MEAF6: variants seen among roughly 807,000 people sequenced by gnomAD.
The protein encoded by MEAF6 is chromatin modification-related protein MEAF6.
A neutral mutation model predicts 28.9 loss-of-function variants in MEAF6; 15 were observed. That is an observed-to-expected ratio of 0.52 (90% CI 0.35 to 0.80). MEAF6 has a LOEUF of 0.80. MEAF6 is among the 30% of genes least tolerant of loss of function. The pLI is 0.01. For synonymous variants in MEAF6, 97 were observed against 88.7 expected, an observed-to-expected ratio of 1.09 and a Z score of -0.53; for missense variants, 178 against 237.5, an observed-to-expected ratio of 0.75 and a Z score of 1.65.
chr1:37,501,429 T>A (rs1642299522), intron 5 of MEAF6: 1 of 165,848 alleles, frequency 6.0e-6, no homozygotes, highest in Non-Finnish European at 1.3e-5. Flanking sequence ...AGCAGAAGAC[T>A]TTATCCCACT....
At chr1:37,512,616 G>GT (rs1642704891) in intron 2 of MEAF6, among the ~76,000 whole-genome samples, 1 of 152,192 alleles carries the variant, frequency 6.6e-6, no homozygotes, top group Admixed American at 6.5e-5. Flanking sequence ...TCAGTTGGGC[G>GT]TGGTGGCTCA....
In MEAF6 at chr1:37,501,864, G is replaced by C; in HGVS notation, c.473C>G (p.Ser158Cys). 6.2e-7 allele frequency: 1 copy of C among 1,606,990 alleles called. No individual in the cohort carries two copies. Among genetic ancestry groups the C allele is most frequent in the East Asian group, 2.2e-5 (1 of 44,784 alleles). The change falls in exon 5 of 7, where the codon TCT (serine) becomes TGT (cysteine). Residue 158 changes from serine to cysteine, a missense_variant. This residue lies in a region of MEAF6 where 124 missense variants were observed against 200.5 expected (regional missense o/e 0.62). Coordinates refer to ENST00000296214, the MANE Select transcript of MEAF6 (RefSeq NM_001270875.3). ...GCTGTGGTGACTCCCTGAGGAAGTAGAAGAAGCAGCCTTCTGAGGTTTCAC... is the reference window on the plus strand; with the variant it reads ...GCTGTGGTGACTCCCTGAGGAAGTACAAGAAGCAGCCTTCTGAGGTTTCAC... Reference protein sequence around the residue: ...QGVKPQKAASSTSSGSHHSSH... With the variant: ...QGVKPQKAASCTSSGSHHSSH...
intron 2 of MEAF6, among the ~76,000 whole-genome samples, chr1:37,510,849 A>G (rs1234147883): frequency 6.6e-6 from 1 of 152,122 alleles, no homozygotes; most frequent in Admixed American, 6.6e-5. Flanking sequence ...CAGCCTCCCA[A>G]GTAGCTGGGA....
Position 37,514,690 on chromosome 1 carries a change from C to T in MEAF6, c.57G>A (p.Leu19=), listed in dbSNP as rs1642782517. Residue 19 remains leucine (L), a synonymous_variant, in exon 1 of 7, where the codon CTG becomes CTA. Transcript: ENST00000296214. ...CCTGCTTCCGCTTCACGAGCTCCGC[C>T]AGCTCCCGCCGGGTGTCCGGGATCT... ...PPQIPDTRRE[L]AELVKRKQEL... The T allele has an allele frequency of 1.1e-5, 17 of 1,545,148 alleles. No individual in the cohort carries two copies. The highest frequency in any genetic ancestry group is 1.5e-5 in the Non-Finnish European group (17 of 1,150,438).
intron 2 of MEAF6, among the ~76,000 whole-genome samples, chr1:37,512,415 A>T (rs1052533299): frequency 7.9e-5 from 12 of 152,230 alleles, no homozygotes; most frequent in Admixed American, 5.9e-4. Flanking sequence ...ATAGAAAGTA[A>T]GAGAAAGCAA....
At chr1:37,507,997 CCAA>C (rs371157822) in intron 4 of MEAF6, among the ~76,000 whole-genome samples, 3 of 152,160 alleles carry the variant, frequency 2.0e-5, no homozygotes, top group Non-Finnish European at 4.4e-5. Context: ...AGAACTAGAT[CCAA>C]CAACAAGATA....
chr1:37,501,968 G>A lies in MEAF6; in HGVS notation c.369C>T (p.Asp123=). 6.2e-7 allele frequency: 1 copy of A among 1,606,202 alleles called. No individual in the cohort carries two copies. ...KREPGSGTES[D]TSPDFHNQEN... is the part of the protein sequence containing the mutation. ...CCTGATTGTGGAAGTCTGGAGAAGTGTCACTTTCCGTCCCACTTCCTGGCT... is the reference window on the plus strand; with the variant it reads ...CCTGATTGTGGAAGTCTGGAGAAGTATCACTTTCCGTCCCACTTCCTGGCT... The change falls in exon 5 of 7, where the codon GAC becomes GAT. Residue 123 remains aspartate, a synonymous_variant. Coordinates refer to ENST00000296214, the MANE Select transcript of MEAF6 (RefSeq NM_001270875.3).
rs1304536279 is a variant in MEAF6 at position 37,495,707 on chromosome 1, A to AC, written c.567+177_567+178insG. Among the ~76,000 whole-genome samples the AC allele has an allele frequency of 8.7e-4, 86 of 98,484 alleles. 1 individual carries two copies. Among genetic ancestry groups the AC allele is most frequent in the Middle Eastern group, 4.6e-3 (1 of 216 alleles). The allele number at this position is 98,484 out of a possible 152,430, so 64.6% of individuals were successfully genotyped here. A position where few individuals can be genotyped will look rare whatever the true frequency, so the allele number is the denominator to read the frequency against. ...CTCAAAAAAAAAAAACAAAAAACAAAAAAAAAAAAAAACAAAAAAACCACC... is the reference window on the plus strand; with the variant it reads ...CTCAAAAAAAAAAAACAAAAAACAAACAAAAAAAAAAAACAAAAAAACCACC... On this transcript the variant is annotated intron_variant, in intron 6 of 6. Transcript: ENST00000296214.
intron 4 of MEAF6, among the ~76,000 whole-genome samples, chr1:37,503,148 G>A (rs1424487700): frequency 6.6e-6 from 1 of 151,922 alleles, no homozygotes; most frequent in East Asian, 1.9e-4. Flanking sequence ...TGTTGCCCAG[G>A]CTGGTCTCAA....
At position 37,491,378 on chromosome 1, in the gene MEAF6, G is replaced by A. The variant is rs900912184; in HGVS notation, c.*2721C>T. Among the ~76,000 whole-genome samples, 4 of 152,144 alleles carry A rather than the reference G, an allele frequency of 2.6e-5. No individual in the cohort carries two copies. Among genetic ancestry groups the A allele is most frequent in the Non-Finnish European group, 5.9e-5 (4 of 68,030 alleles). On this transcript the variant is annotated 3_prime_UTR_variant, in exon 7 of 7. Coordinates refer to ENST00000296214, the MANE Select transcript of MEAF6 (RefSeq NM_001270875.3). ...AACTTAGATGGGCATGGTGGTGCATGCCTGTAGTCCCAGCTACTGGGGAGG... is the reference window on the plus strand; with the variant it reads ...AACTTAGATGGGCATGGTGGTGCATACCTGTAGTCCCAGCTACTGGGGAGG...
rs1557612234 is a variant in MEAF6 at position 37,509,552 on chromosome 1, A to G, written c.207-10T>C. 2 of 1,610,854 alleles carry G rather than the reference A, an allele frequency of 1.2e-6. No individual in the cohort carries two copies. The highest frequency in any genetic ancestry group is 1.7e-6 in the Non-Finnish European group (2 of 1,177,678). On this transcript the variant is annotated splice_polypyrimidine_tract_variant and intron_variant, in intron 2 of 6. Transcript: ENST00000296214. The stretch of plus-strand genomic sequence containing the variant: ...TTTGCTATTGGAGTTTCTAAAACAC[A>G]GAAGAAACTCATTATGAGCACCAAG...
rs1398958339 is a variant in MEAF6 at position 37,490,784 on chromosome 1, T to G, written c.*3315A>C. Among the ~76,000 whole-genome samples the G allele has an allele frequency of 6.6e-6, 1 of 152,110 alleles. No individual in the cohort carries two copies. The highest frequency in any genetic ancestry group is 1.5e-5 in the Non-Finnish European group (1 of 68,008). On this transcript the variant is annotated 3_prime_UTR_variant, in exon 7 of 7. Coordinates refer to ENST00000296214, the MANE Select transcript of MEAF6 (RefSeq NM_001270875.3). ...GCTCACGCCTGTAATCCTAGCACTT[T>G]GGGAGGCTGAGGCAGGTGGATTACG...
At chr1:37,502,197 G>C (rs968350711) in intron 4 of MEAF6, among the ~76,000 whole-genome samples, 3 of 152,174 alleles carry the variant, frequency 2.0e-5, no homozygotes, top group African/African-American at 7.2e-5. Context: ...TCCTGAAAAA[G>C]CATGTAATCT....
At chr1:37,514,195 G>C (rs182382297) in intron 1 of MEAF6, 1 of 160,424 alleles carries the variant, frequency 6.2e-6, no homozygotes, top group Admixed American at 6.5e-5. Flanking sequence ...CCATTCAACG[G>C]ATCTACTCCC....
Position 37,490,184 on chromosome 1 carries a change from T to C in MEAF6, c.*3915A>G, listed in dbSNP as rs183384739. ...CCACCCAGCCATCCTGTGTGCCCTCTTCCCCTTGGAGGCCACTGCCCTAAG... is the reference window on the plus strand; with the variant it reads ...CCACCCAGCCATCCTGTGTGCCCTCCTCCCCTTGGAGGCCACTGCCCTAAG... On this transcript the variant is annotated 3_prime_UTR_variant, in exon 7 of 7. Transcript: ENST00000296214. Among the ~76,000 whole-genome samples the C allele has an allele frequency of 2.2e-3, 324 of 149,848 alleles. No individual in the cohort carries two copies. Among genetic ancestry groups the C allele is most frequent in the Non-Finnish European group, 3.1e-3 (209 of 67,362 alleles).
At chr1:37,507,071 G>A (rs1408497562) in intron 4 of MEAF6, among the ~76,000 whole-genome samples, 3 of 152,180 alleles carry the variant, frequency 2.0e-5, no homozygotes, top group Non-Finnish European at 2.9e-5. Context: ...TGTAATCCCA[G>A]CAATTTGGGA....
chr1:37,503,343 T>C (rs1642376187), intron 4 of MEAF6, among the ~76,000 whole-genome samples: 3 of 152,216 alleles, frequency 2.0e-5, no homozygotes, highest in African/African-American at 2.4e-5. Context: ...ACAACTTGTA[T>C]AAACATATAT....
intron 4 of MEAF6, among the ~76,000 whole-genome samples, chr1:37,508,195 G>A (rs931919219): frequency 6.1e-5 from 9 of 147,914 alleles, no homozygotes; most frequent in African/African-American, 2.0e-4. Context: ...GATATAATTC[G>A]TTTACAGAGT....
Position 37,494,015 on chromosome 1 carries a change from T to A in MEAF6, c.*84A>T. 10 of 1,591,742 alleles carry A rather than the reference T, an allele frequency of 6.3e-6. No individual in the cohort carries two copies. The highest frequency in any genetic ancestry group is 7.7e-6 in the Non-Finnish European group (9 of 1,173,174). The stretch of plus-strand genomic sequence containing the variant: ...AGAGCAGAGGTGGATGGCCACGAAC[T>A]CAGGTGAAGGATGTTTATCTTTGTG... On this transcript the variant is annotated 3_prime_UTR_variant, in exon 7 of 7. Coordinates refer to ENST00000296214, the MANE Select transcript of MEAF6 (RefSeq NM_001270875.3).
Sources: gnomAD v4.1 joint callset for allele counts (sites outside exome capture counted in the v4.1 genomes callset) on GRCh38, gnomAD v4.1.1 for gene constraint, gnomAD v4.1.1 regional missense constraint, MANE v1.5 for transcripts, NCBI Gene and HGNC (gene_info 2026-07-23, HGNC 2026-07-21) for gene names.